Variants in ZFHX3 observed in about 807,000 individuals in gnomAD.
ZFHX3 encodes the protein zinc finger homeobox protein 3.
ZFHX3 carries 42 observed loss-of-function variants against 279.1 expected under a neutral mutation model. The ratio of observed to expected loss-of-function variants is 0.15; its 90% confidence interval spans 0.12 to 0.19. ZFHX3 has a LOEUF of 0.19. ZFHX3 is among the 10% of genes least tolerant of loss of function. The pLI is 1.00. For missense variants in ZFHX3, 4,981 were observed against 4,754.0 expected, an observed-to-expected ratio of 1.05 and a Z score of -1.40; for synonymous variants, 2,293 against 1,957.8, an observed-to-expected ratio of 1.17 and a Z score of -4.52.
At chr16:73,646,355 C>T (rs959595072) in intron 2 of ZFHX3, among the ~76,000 whole-genome samples, 3 of 151,720 alleles carry the variant, frequency 2.0e-5, no homozygotes, top group Non-Finnish European at 2.9e-5. Flanking sequence ...AGATATATGA[C>T]CAAAATGATA....
rs771034495 is a variant in ZFHX3 at position 72,788,036 on chromosome 16, G to A, written c.10240C>T (p.Pro3414Ser). ...TCTGGTTTGGGGGATTCTTTGGCAG[G>A]GTCTTTGTCTGGGGAAGGAGCCCCG... ...PPGAPSPDKD[P>S]AKESPKPEEQ... The change falls in exon 10 of 10, where the codon CCT becomes TCT. Residue 3414 changes from proline to serine, a missense_variant. This residue lies in a region of ZFHX3 where 1,034 missense variants were observed against 786.0 expected (regional missense o/e 1.32). Transcript: ENST00000268489. The A allele has an allele frequency of 1.2e-6, 2 of 1,612,940 alleles. No individual in the cohort carries two copies. The highest frequency in any genetic ancestry group is 1.7e-5 in the Admixed American group (1 of 60,012).
At chr16:72,871,215 G>A (rs948151254) in intron 4 of ZFHX3, among the ~76,000 whole-genome samples, 7 of 151,996 alleles carry the variant, frequency 4.6e-5, no homozygotes, top group Non-Finnish European at 7.4e-5. Context: ...TGCTCTTGAC[G>A]CCCAGGTTGG....
At chr16:73,080,539 G>A (rs1378205016) in intron 8 of ZFHX3, among the ~76,000 whole-genome samples, 1 of 152,068 alleles carries the variant, frequency 6.6e-6, no homozygotes, top group African/African-American at 2.4e-5. Flanking sequence ...TAGCACCTGG[G>A]AATCCACATT....
chr16:73,567,014 T>G (rs2143799502), intron 2 of ZFHX3, among the ~76,000 whole-genome samples: 1 of 152,152 alleles, frequency 6.6e-6, no homozygotes, highest in East Asian at 1.9e-4. Context: ...TGAGCTAACT[T>G]TGAAAATTTT....
intron 3 of ZFHX3, among the ~76,000 whole-genome samples, chr16:73,408,086 G>A (rs941669361): frequency 4.0e-5 from 6 of 151,298 alleles, no homozygotes; most frequent in Admixed American, 1.3e-4. Flanking sequence ...AAGAAGCTCT[G>A]GTTGCAGATA....
At chr16:73,575,100 C>T (rs1423971889) in intron 2 of ZFHX3, among the ~76,000 whole-genome samples, 2 of 152,200 alleles carry the variant, frequency 1.3e-5, no homozygotes, top group East Asian at 1.9e-4. Flanking sequence ...CTTCTTACAG[C>T]TGCCTTCTTC....
intron 1 of ZFHX3, among the ~76,000 whole-genome samples, chr16:73,846,736 T>A (rs1200843419): frequency 6.6e-6 from 1 of 152,068 alleles, no homozygotes; most frequent in Non-Finnish European, 1.5e-5. Flanking sequence ...CAGAGGCAAA[T>A]CTTTCAATGT....
intron 7 of ZFHX3, among the ~76,000 whole-genome samples, chr16:73,104,505 C>T (rs1428521645): frequency 6.6e-6 from 1 of 152,208 alleles, no homozygotes; most frequent in Admixed American, 6.5e-5. Flanking sequence ...GCTGGGATTA[C>T]AGGCATGAGC....
At chr16:73,015,217 T>C (rs1284333717) in intron 1 of ZFHX3, 1 of 152,042 alleles carries the variant, frequency 6.6e-6, no homozygotes, top group East Asian at 1.9e-4. Flanking sequence ...CAGCTAGCTT[T>C]TGTATTTCTT....
At position 72,881,630 on chromosome 16, in the gene ZFHX3, C is replaced by T. The variant is rs944343415; in HGVS notation, c.3448+8101G>A. Among the ~76,000 whole-genome samples the T allele has an allele frequency of 5.3e-5, 8 of 152,152 alleles. No homozygotes were observed. In the South Asian group the frequency reaches 1.5e-3, roughly 28 times the overall value. ...GGTACAGGTACAAATCATTATTTCT[C>T]GAGAAACATCCATTCAGGCAGTGGA... On this transcript the variant is annotated intron_variant, in intron 4 of 9. Coordinates refer to ENST00000268489, the MANE Select transcript of ZFHX3 (RefSeq NM_006885.4).
At chr16:73,794,521 T>C (rs1371414460) in intron 1 of ZFHX3, among the ~76,000 whole-genome samples, 1 of 152,202 alleles carries the variant, frequency 6.6e-6, no homozygotes, top group African/African-American at 2.4e-5. Flanking sequence ...TGGTCCTTTA[T>C]TCAAATTATT....
intron 3 of ZFHX3, among the ~76,000 whole-genome samples, chr16:73,367,550 T>G (rs2016550815): frequency 6.6e-6 from 1 of 152,138 alleles, no homozygotes; most frequent in Non-Finnish European, 1.5e-5. Context: ...AAATGTTTAC[T>G]GGCCACCTCC....
intron 2 of ZFHX3, among the ~76,000 whole-genome samples, chr16:73,614,888 T>C (rs1296579959): frequency 2.6e-5 from 4 of 151,980 alleles, no homozygotes; most frequent in African/African-American, 4.8e-5. Context: ...GCCTCCTGAG[T>C]AGCTGGGACC....
At chr16:73,056,061 G>A (rs1025273894) in intron 1 of ZFHX3, among the ~76,000 whole-genome samples, 1 of 152,180 alleles carries the variant, frequency 6.6e-6, no homozygotes, top group Non-Finnish European at 1.5e-5. Context: ...CGAGGAGGGG[G>A]AAGGGAGACA....
chr16:73,093,155 G>A lies in ZFHX3; in HGVS notation c.-533+80C>T, dbSNP rs145392727. On this transcript the variant is annotated intron_variant, in intron 8 of 17. Transcript: ENST00000641206. ...CAACCCCGACAGCTGCAAACCACGA[G>A]CCCTCACCTCCAGCAGAGGTTTTCG... 1,957 of 520,074 alleles carry A rather than the reference G, an allele frequency of 3.8e-3. 49 individuals are homozygous for A. The highest frequency in any genetic ancestry group is 0.035 in the Admixed American group (1,815 of 51,572). 32.2% of individuals were successfully genotyped at this position (520,074 alleles called of 1,614,324 possible).
chr16:73,478,911 G>T (rs1248562333), intron 2 of ZFHX3, among the ~76,000 whole-genome samples: 3 of 152,142 alleles, frequency 2.0e-5, no homozygotes, highest in African/African-American at 7.2e-5. Context: ...AATTAGCCAG[G>T]CATGGTGGTG....
At chr16:72,930,252 A>G (rs1959712847) in intron 3 of ZFHX3, among the ~76,000 whole-genome samples, 1 of 152,094 alleles carries the variant, frequency 6.6e-6, no homozygotes, top group African/African-American at 2.4e-5. Context: ...ATAAAATAAT[A>G]TACTTCATAC....
At chr16:73,334,081 ATG>A (rs1171748866) in intron 3 of ZFHX3, among the ~76,000 whole-genome samples, 1 of 152,164 alleles carries the variant, frequency 6.6e-6, no homozygotes, top group Non-Finnish European at 1.5e-5. Flanking sequence ...GACATGGCTT[ATG>A]TGCTGAAAGA....
chr16:73,531,626 GA>G (rs1309077041), intron 2 of ZFHX3, among the ~76,000 whole-genome samples: 2 of 149,468 alleles, frequency 1.3e-5, no homozygotes, highest in Non-Finnish European at 3.0e-5. Flanking sequence ...GAGGCAGGAG[GA>G]TGGCTTGAGC....
Sources: allele counts gnomAD v4.1 joint callset (sites outside exome capture counted in the v4.1 genomes callset), GRCh38; gene constraint gnomAD v4.1.1; regional missense constraint gnomAD v4.1.1; transcripts MANE v1.5; gene names NCBI Gene and HGNC (gene_info 2026-07-23, HGNC 2026-07-21).